Variants in LRGUK observed in about 807,000 individuals in gnomAD.
LRGUK encodes the protein leucine rich repeats and guanylate kinase domain containing, also known as leucine-rich repeat and guanylate kinase domain-containing protein.
In LRGUK, 65 loss-of-function variants were observed where a neutral mutation model predicts 76.0. The ratio of observed to expected loss-of-function variants is 0.85; its 90% CI spans 0.70 to 1.05. LRGUK has a LOEUF of 1.05. Ranked by LOEUF, LRGUK falls within the 50% of genes least tolerant of loss-of-function variation. LRGUK has a pLI of 0.00. For missense variants in LRGUK, 758 were observed against 732.8 expected, an observed-to-expected ratio of 1.03 and a Z score of -0.40; for synonymous variants, 268 against 265.6, an observed-to-expected ratio of 1.01 and a Z score of -0.09.
intron 6 of LRGUK, among the ~76,000 whole-genome samples, chr7:134,162,774 C>T (rs1798799495): frequency 6.8e-6 from 1 of 146,450 alleles, no homozygotes; most frequent in African/African-American, 2.6e-5. Flanking sequence ...TTGCAGTGAG[C>T]CGAGGTCGTG....
chr7:134,262,943 C>CCTAG (rs1802768474), intron 19 of LRGUK, among the ~76,000 whole-genome samples: 1 of 137,878 alleles, frequency 7.3e-6, no homozygotes, highest in Non-Finnish European at 1.5e-5. Context: ...TGCACTCCAG[C>CCTAG]CTAGGTGACA....
At chr7:134,156,257 C>T (rs929760875) in intron 5 of LRGUK, among the ~76,000 whole-genome samples, 11 of 151,060 alleles carry the variant, frequency 7.3e-5, no homozygotes, top group African/African-American at 2.4e-4. Context: ...TGGGCATATT[C>T]GTTGTCCGTT....
intron 11 of LRGUK, among the ~76,000 whole-genome samples, chr7:134,188,408 C>T (rs146098594): frequency 2.6e-5 from 4 of 152,066 alleles, no homozygotes; most frequent in Non-Finnish European, 5.9e-5. Context: ...AGGGGAATGG[C>T]GTGATCACAT....
chr7:134,149,041 G>C (rs1262573383), intron 5 of LRGUK, among the ~76,000 whole-genome samples: 2 of 150,548 alleles, frequency 1.3e-5, no homozygotes, highest in Non-Finnish European at 2.9e-5. Flanking sequence ...TTTTGCAAAA[G>C]AGTTCATGAT....
At chr7:134,143,400 G>A (rs957271540) in intron 4 of LRGUK, among the ~76,000 whole-genome samples, 2 of 152,048 alleles carry the variant, frequency 1.3e-5, no homozygotes, top group Non-Finnish European at 2.9e-5. Flanking sequence ...TCAAACCAAC[G>A]AACTTTCCTC....
intron 5 of LRGUK, among the ~76,000 whole-genome samples, 162 bp from the exon 6 acceptor site, chr7:134,157,872 TG>T (rs1286220522): frequency 6.6e-6 from 1 of 152,226 alleles, no homozygotes; most frequent in East Asian, 1.9e-4. Context: ...ATGTTCTGTA[TG>T]AAAAAATATA....
At chr7:134,251,125 T>C (rs1227269080) in intron 18 of LRGUK, among the ~76,000 whole-genome samples, 4 of 152,174 alleles carry the variant, frequency 2.6e-5, no homozygotes, top group African/African-American at 9.7e-5. Flanking sequence ...ATTTCATATG[T>C]TGGAGTCCTG....
At chr7:134,259,882 A>G (rs1279072608) in intron 19 of LRGUK, among the ~76,000 whole-genome samples, 2 of 152,140 alleles carry the variant, frequency 1.3e-5, no homozygotes, top group Non-Finnish European at 2.9e-5. Context: ...TCATAGTTCT[A>G]GCTTCTCATA....
At chr7:134,145,067 A>G (rs1303689389) in intron 4 of LRGUK, among the ~76,000 whole-genome samples, 1 of 152,048 alleles carries the variant, frequency 6.6e-6, no homozygotes, top group Non-Finnish European at 1.5e-5. Flanking sequence ...ACAAAAACAG[A>G]TCATGGACCC....
At chr7:134,148,403 C>T (rs907625000) in intron 5 of LRGUK, 84 bp downstream of exon 5, 1 of 774,090 alleles carries the variant, frequency 1.3e-6, no homozygotes, top group Non-Finnish European at 2.1e-6. Context: ...TATTAGATTA[C>T]ATGGACTAGT....
At chr7:134,268,212 ACTAT>A (rs36176277), downstream of LRGUK, among the ~76,000 whole-genome samples, 51,810 of 151,772 alleles carry the variant, frequency 0.34, 10,887 homozygotes, top group South Asian at 0.49. Context: ...AATAAAATGG[ACTAT>A]CTATTTAGTA....
chr7:134,226,849 G>A (rs1801776246), intron 16 of LRGUK, among the ~76,000 whole-genome samples: 2 of 152,160 alleles, frequency 1.3e-5, no homozygotes, highest in Admixed American at 1.3e-4. Context: ...CAGGGAGTGA[G>A]GAAGGACTCA....
chr7:134,227,481 T>A (rs1438266084), intron 16 of LRGUK, among the ~76,000 whole-genome samples: 1 of 152,130 alleles, frequency 6.6e-6, no homozygotes, highest in Admixed American at 6.5e-5. Flanking sequence ...GTCTAATGCA[T>A]AATGAAAAAT....
At chr7:134,266,396 TGAA>T (rs1802856696), downstream of LRGUK, among the ~76,000 whole-genome samples, 1 of 151,906 alleles carries the variant, frequency 6.6e-6, no homozygotes. Flanking sequence ...CTGAAACAAA[TGAA>T]GAGATAGATA....
At chr7:134,147,766 G>C (rs1468993238) in intron 4 of LRGUK, among the ~76,000 whole-genome samples, 6 of 152,042 alleles carry the variant, frequency 3.9e-5, no homozygotes, top group African/African-American at 1.2e-4. Context: ...ATCCCAGTTA[G>C]AAAATGATTA....
intron 15 of LRGUK, among the ~76,000 whole-genome samples, chr7:134,219,413 A>C (rs1801518040): frequency 6.6e-6 from 1 of 152,210 alleles, no homozygotes; most frequent in Non-Finnish European, 1.5e-5. Context: ...ACTTATTTAC[A>C]CCACAGTACA....
At chr7:134,263,088 TC>T (rs1338362510) in intron 19 of LRGUK, among the ~76,000 whole-genome samples, 1 of 152,088 alleles carries the variant, frequency 6.6e-6, no homozygotes, top group East Asian at 1.9e-4. Flanking sequence ...CGGTCAATGT[TC>T]CCTTTGACTT....
intron 15 of LRGUK, 147 bp from the exon 16 acceptor site, chr7:134,221,632 A>G (rs1801597388): frequency 2.0e-6 from 1 of 504,232 alleles, no homozygotes; most frequent in Middle Eastern, 5.4e-4. Flanking sequence ...TCTAAGATAT[A>G]TTTTTATTTT....
At chr7:134,201,221 C>T (rs947245255) in intron 14 of LRGUK, among the ~76,000 whole-genome samples, 10 of 152,174 alleles carry the variant, frequency 6.6e-5, no homozygotes, top group African/African-American at 2.4e-4. Flanking sequence ...ATAACCTTAA[C>T]CACATCCGCA....
Sources: allele counts gnomAD v4.1 joint callset (sites outside exome capture counted in the v4.1 genomes callset), GRCh38; gene constraint gnomAD v4.1.1; transcripts MANE v1.5; gene names NCBI Gene and HGNC (gene_info 2026-07-23, HGNC 2026-07-21).